The following TOP3A variants were observed in gnomAD, a reference collection of about 807,000 sequenced individuals.
TOP3A encodes DNA topoisomerase 3-alpha.
A neutral mutation model predicts 111.3 loss-of-function variants in TOP3A; 64 were observed. The observed-to-expected ratio is 0.57, with a 90% CI of 0.47 to 0.71. The LOEUF is 0.71. Among genes scored for constraint, TOP3A ranks in the 30% least tolerant of loss-of-function variants. The pLI is 0.00. For missense variants in TOP3A, 1,104 were observed against 1,285.0 expected (o/e 0.86, Z 2.15); for synonymous variants, 484 against 485.1 (o/e 1.00, Z 0.03).
rs745404363 is a variant in TOP3A, at chr17:18,278,096, G to A, written c.2406C>T (p.Pro802=). 9 of 1,614,212 alleles carry A rather than the reference G, an allele frequency of 5.6e-6. No individual in the cohort carries two copies. In the South Asian group the frequency reaches 8.8e-5, roughly 16 times the overall value. Residue 802 remains proline, a synonymous_variant, in exon 18 of 19, where the codon CCC becomes CCT. Transcript: ENST00000321105. ...CAGAATTGCTTTCACCAGCAGCCGT[G>A]GGTGGTGGGAGGGTCTGGGCCAGAG... ...SKALAQTLPP[P]TAAGESNSVT... is the part of the protein sequence containing the mutation.
In TOP3A at chr17:18,301,963, A is replaced by C. The variant is rs1275720688; in HGVS notation, c.837T>G (p.Gly279=). Residue 279 remains glycine, a synonymous_variant, in exon 8 of 19, where the codon GGT becomes GGG. Coordinates refer to ENST00000321105, the MANE Select transcript of TOP3A (RefSeq NM_004618.5). ...RIKVTHDHKD[G]IVEFNWKRHR... is the part of the protein sequence containing the mutation. Reference sequence around the variant, plus strand: ...GCCTTTTCCAGTTGAATTCTACGATACCATCTTTGTGGTCATGAGTTACTA... The same window carrying C: ...GCCTTTTCCAGTTGAATTCTACGATCCCATCTTTGTGGTCATGAGTTACTA... 5 of 1,614,182 alleles carry C rather than the reference A, an allele frequency of 3.1e-6. No homozygotes were observed. The highest frequency in any genetic ancestry group is 4.2e-6 in the Non-Finnish European group (5 of 1,180,010).
At chr17:18,281,912 T>C (rs1195785716) in intron 16 of TOP3A, among the ~76,000 whole-genome samples, 1 of 152,192 alleles carries the variant, frequency 6.6e-6, no homozygotes, top group Non-Finnish European at 1.5e-5. Context: ...CCCTCTAAGC[T>C]GCATAAAAAT....
chr17:18,278,065 A>G lies in TOP3A; in HGVS notation c.2437T>C (p.Cys813Arg). 6.2e-7 allele frequency: 1 copy of G among 1,614,200 alleles called. No homozygotes were observed. Among genetic ancestry groups the G allele is most frequent in the Non-Finnish European group, 8.5e-7 (1 of 1,180,038 alleles). Residue 813 changes from cysteine to arginine, a missense_variant, in exon 18 of 19, where the codon TGC (cysteine) becomes CGC (arginine). By Grantham distance (180) the Cys-to-Arg change is radical (BLOSUM62 -3). Transcript: ENST00000321105. ...AGCACAGCCTCCTGGCCACAGTTGCAGGTCACAGAATTGCTTTCACCAGCA... is the reference window on the plus strand; with the variant it reads ...AGCACAGCCTCCTGGCCACAGTTGCGGGTCACAGAATTGCTTTCACCAGCA... ...TAAGESNSVT[C>R]NCGQEAVLLT...
At chr17:18,277,554 G>GCC (rs1356557310) in intron 18 of TOP3A, 121 bp downstream of exon 18, 2 of 1,126,840 alleles carry the variant, frequency 1.8e-6, no homozygotes, top group Non-Finnish European at 1.3e-6. Flanking sequence ...GTGCAAGGCA[G>GCC]CCCAGGTGCC....
chr17:18,297,546 C>T (rs1329178667), intron 9 of TOP3A, among the ~76,000 whole-genome samples: 1 of 152,164 alleles, frequency 6.6e-6, no homozygotes, highest in East Asian at 1.9e-4. Flanking sequence ...CCTCAGCCTG[C>T]GGACTGCCTG....
At chr17:18,282,492 A>G (rs1044182154) in intron 16 of TOP3A, among the ~76,000 whole-genome samples, 2 of 152,086 alleles carry the variant, frequency 1.3e-5, no homozygotes, top group African/African-American at 4.8e-5. Flanking sequence ...TCAGTTTCTC[A>G]CCTGCTCTGA....
chr17:18,304,950 C>G (rs1399094565), intron 5 of TOP3A, among the ~76,000 whole-genome samples, 162 bp downstream of exon 5: 1 of 152,130 alleles, frequency 6.6e-6, no homozygotes. Context: ...CTCCCAATGG[C>G]TCAGTGATTT....
intron 4 of TOP3A, 81 bp from the exon 5 acceptor site, chr17:18,305,301 A>C: frequency 8.5e-7 from 1 of 1,172,710 alleles, no homozygotes; most frequent in Non-Finnish European, 1.3e-6. Flanking sequence ...AGGGGATCTG[A>C]CTGAAGGTTA....
At chr17:18,282,060 T>G (rs1979794920) in intron 16 of TOP3A, among the ~76,000 whole-genome samples, 1 of 152,144 alleles carries the variant, frequency 6.6e-6, no homozygotes, top group South Asian at 2.1e-4. Flanking sequence ...GTGAACTTCC[T>G]CCAGTGGCCA....
At chr17:18,282,071 GCCACTGGCT>G (rs1223344466) in intron 16 of TOP3A, among the ~76,000 whole-genome samples, 2 of 152,126 alleles carry the variant, frequency 1.3e-5, no homozygotes, top group African/African-American at 2.4e-5. Context: ...CCAGTGGCCA[GCCACTGGCT>G]CCAACAACCT....
At chr17:18,283,194 AC>A (rs1979876952) in intron 15 of TOP3A, among the ~76,000 whole-genome samples, 1 of 152,090 alleles carries the variant, frequency 6.6e-6, no homozygotes, top group South Asian at 2.1e-4. Flanking sequence ...ACATGGTGAA[AC>A]CCCGTCTCTA....
At chr17:18,302,851 T>A in intron 5 of TOP3A, 128 bp from the exon 6 acceptor site, 2 of 1,094,580 alleles carry the variant, frequency 1.8e-6, no homozygotes, top group Non-Finnish European at 2.6e-6. Flanking sequence ...GATGACCAAT[T>A]TACCTATTAG....
intron 4 of TOP3A, among the ~76,000 whole-genome samples, chr17:18,306,245 C>T (rs1337993406): frequency 6.6e-6 from 1 of 152,256 alleles, no homozygotes; most frequent in East Asian, 1.9e-4. Flanking sequence ...AATAAATTAA[C>T]TATACATGCC....
Position 18,274,645 on chromosome 17 carries a change from A to G in TOP3A, c.*157T>C. On this transcript the variant is annotated 3_prime_UTR_variant, in exon 19 of 19. Coordinates refer to ENST00000321105, the MANE Select transcript of TOP3A (RefSeq NM_004618.5). ...GCTGGCCTGCTCCAGAGTGATCTGG[A>G]CCTTGTGCCCCTTAACACAAGAAGG... 7.8e-7 allele frequency: 1 copy of G among 1,277,428 alleles called. No individual in the cohort carries two copies. The highest frequency in any genetic ancestry group is 1.1e-6 in the Non-Finnish European group (1 of 950,798). The allele number at this position is 1,277,428 out of a possible 1,614,324, so 79.1% of individuals were successfully genotyped here.
chr17:18,286,463 C>T (rs1006984363), intron 13 of TOP3A, among the ~76,000 whole-genome samples: 1 of 152,056 alleles, frequency 6.6e-6, no homozygotes, highest in South Asian at 2.1e-4. Context: ...CTGCAGTGAG[C>T]GGAGATCGAG....
At chr17:18,311,130 A>G (rs1981885437) in intron 1 of TOP3A, among the ~76,000 whole-genome samples, 1 of 151,036 alleles carries the variant, frequency 6.6e-6, no homozygotes, top group African/African-American at 2.4e-5. Context: ...CCTCCCGAGT[A>G]GCTGGGACTA....
chr17:18,300,562 GA>G (rs1981165531), intron 8 of TOP3A, among the ~76,000 whole-genome samples: 1 of 151,246 alleles, frequency 6.6e-6, no homozygotes, highest in Admixed American at 6.6e-5. Flanking sequence ...ATTATTATTT[GA>G]TTTTTTTTTT....
At chr17:18,297,234 T>C (rs1474105475) in intron 9 of TOP3A, among the ~76,000 whole-genome samples, 3 of 152,212 alleles carry the variant, frequency 2.0e-5, no homozygotes, top group Non-Finnish European at 4.4e-5. Context: ...GAGACCAGCC[T>C]GACCAACATG....
chr17:18,313,359 GA>G (rs1982029858), intron 1 of TOP3A: 1 of 152,510 alleles, frequency 6.6e-6, no homozygotes, highest in Admixed American at 6.5e-5. Flanking sequence ...AGCACTCTAA[GA>G]ACCAAGATCT....
Sources: allele counts gnomAD v4.1 joint callset (sites outside exome capture counted in the v4.1 genomes callset), GRCh38; gene constraint gnomAD v4.1.1; transcripts MANE v1.5; gene names NCBI Gene and HGNC (gene_info 2026-07-23, HGNC 2026-07-21).